EPB41L4A: variants seen among roughly 807,000 people sequenced by gnomAD.
The protein encoded by EPB41L4A is erythrocyte membrane protein band 4.1 like 4A.
In EPB41L4A, 100 loss-of-function variants were observed where a neutral mutation model predicts 108.6. That is an observed-to-expected ratio of 0.92 (90% CI 0.78 to 1.09). EPB41L4A has a LOEUF of 1.09. Ranked by LOEUF, EPB41L4A falls within the 50% of genes least tolerant of loss-of-function variation. EPB41L4A has a pLI of 0.00. For synonymous variants in EPB41L4A, 319 were observed against 289.0 expected (o/e 1.10, Z -1.05); for missense variants, 1,030 against 842.7 (o/e 1.22, Z -2.75).
At chr5:112,354,788 C>A (rs916368801) in intron 1 of EPB41L4A, among the ~76,000 whole-genome samples, 1 of 152,142 alleles carries the variant, frequency 6.6e-6, no homozygotes, top group African/African-American at 2.4e-5. Context: ...CTAGTTCAAA[C>A]CTGGCTTAAT....
intron 12 of EPB41L4A, among the ~76,000 whole-genome samples, chr5:112,211,539 G>C (rs1762742502): frequency 6.6e-6 from 1 of 150,416 alleles, no homozygotes; most frequent in Admixed American, 6.6e-5. Context: ...AGTGAGCTGA[G>C]ATTGCGCCAC....
intron 1 of EPB41L4A, among the ~76,000 whole-genome samples, chr5:112,319,618 C>G (rs1036419098): frequency 6.6e-6 from 1 of 152,188 alleles, no homozygotes; most frequent in Non-Finnish European, 1.5e-5. Context: ...AAGCATCAGA[C>G]AAGCCGAAAT....
At chr5:112,197,786 C>G (rs1049462124) in intron 15 of EPB41L4A, among the ~76,000 whole-genome samples, 1 of 152,160 alleles carries the variant, frequency 6.6e-6, no homozygotes, top group Admixed American at 6.5e-5. Flanking sequence ...TATGATGGAC[C>G]CTACATCTCC....
In EPB41L4A at chr5:112,169,096, A is replaced by C. The variant is rs763428611; in HGVS notation, c.1749T>G (p.Gly583=). 2 of 1,613,450 alleles carry C rather than the reference A, an allele frequency of 1.2e-6. No individual in the cohort carries two copies. The highest frequency in any genetic ancestry group is 1.7e-6 in the Non-Finnish European group (2 of 1,179,368). The change falls in exon 21 of 23, where the codon GGT becomes GGG. Residue 583 remains glycine (G), a synonymous_variant. Transcript: ENST00000261486. Reference sequence around the variant, plus strand: ...GAGAATGCCTGATGCGGATTGGGTCACCTTGTGTCCTGAACAAGCAACCAA... The same window carrying C: ...GAGAATGCCTGATGCGGATTGGGTCCCCTTGTGTCCTGAACAAGCAACCAA... The part of the protein sequence containing the change: ...EIPYTKIETQ[G]DPIRIRHSHS...
chr5:112,228,678 G>A lies in EPB41L4A; in HGVS notation c.1087+5956C>T, dbSNP rs899201131. The A allele has an allele frequency of 8.1e-6, 8 of 983,662 alleles. No homozygotes were observed. The African/African-American group carries it at 1.4e-4, about 17-fold the overall frequency. The allele number at this position is 983,662 out of a possible 1,614,324, so 60.9% of individuals were successfully genotyped here. A position where few individuals can be genotyped will look rare whatever the true frequency, so the allele number is the denominator to read the frequency against. ...GTCTTCATTGCCTACTTACAGCAGAGACGATCTCCTTTGACAGGAATCCAA... is the reference window on the plus strand; with the variant it reads ...GTCTTCATTGCCTACTTACAGCAGAAACGATCTCCTTTGACAGGAATCCAA... On this transcript the variant is annotated intron_variant, in intron 12 of 22. Coordinates refer to ENST00000261486, the MANE Select transcript of EPB41L4A (RefSeq NM_022140.5).
chr5:112,203,319 A>G (rs11740779), intron 15 of EPB41L4A, among the ~76,000 whole-genome samples: 64,454 of 151,934 alleles, frequency 0.42, 14,446 homozygotes, highest in East Asian at 0.68. Context: ...TCATGCCACT[A>G]CACTCCAGCC....
At chr5:112,348,561 A>T (rs1396621952) in intron 1 of EPB41L4A, among the ~76,000 whole-genome samples, 2 of 152,168 alleles carry the variant, frequency 1.3e-5, no homozygotes, top group Non-Finnish European at 2.9e-5. Flanking sequence ...GGGGAAGGGG[A>T]AACTCACATA....
chr5:112,400,421 C>G (rs1278397257), intron 1 of EPB41L4A, among the ~76,000 whole-genome samples: 1 of 152,052 alleles, frequency 6.6e-6, no homozygotes, highest in East Asian at 1.9e-4. Flanking sequence ...GCTTACAGTT[C>G]TACAGGCAGT....
At chr5:112,195,264 A>G (rs1437549042) in intron 16 of EPB41L4A, among the ~76,000 whole-genome samples, 1 of 152,072 alleles carries the variant, frequency 6.6e-6, no homozygotes, top group Non-Finnish European at 1.5e-5. Flanking sequence ...TGCCAACACG[A>G]AAGAGAAAGG....
chr5:112,398,750 T>C (rs1761544635), intron 1 of EPB41L4A, among the ~76,000 whole-genome samples: 1 of 152,010 alleles, frequency 6.6e-6, no homozygotes, highest in Admixed American at 6.6e-5. Context: ...TGCTATAGAC[T>C]CAGGTATCAG....
chr5:112,202,605 T>C (rs1438921363), intron 15 of EPB41L4A, among the ~76,000 whole-genome samples: 1 of 152,166 alleles, frequency 6.6e-6, no homozygotes, highest in African/African-American at 2.4e-5. Flanking sequence ...ACCCTATTAT[T>C]CTGTCTAATC....
chr5:112,314,534 A>AAAG (rs1755290974), intron 1 of EPB41L4A, among the ~76,000 whole-genome samples: 1 of 133,910 alleles, frequency 7.5e-6, no homozygotes, highest in African/African-American at 3.2e-5. Flanking sequence ...AAAAAAAAAA[A>AAAG]AAAAGAAAAG....
chr5:112,390,342 C>A (rs1336705560), intron 1 of EPB41L4A, among the ~76,000 whole-genome samples: 1 of 152,140 alleles, frequency 6.6e-6, no homozygotes, highest in African/African-American at 2.4e-5. Flanking sequence ...CACTGCCACC[C>A]AAATACTGTG....
intron 17 of EPB41L4A, among the ~76,000 whole-genome samples, chr5:112,190,160 T>G (rs1331553733): frequency 1.3e-5 from 2 of 152,242 alleles, no homozygotes; most frequent in East Asian, 3.8e-4. Context: ...TAGAATCAAC[T>G]GTTTCACAAA....
At chr5:112,344,746 C>T (rs906971644) in intron 1 of EPB41L4A, among the ~76,000 whole-genome samples, 1 of 152,124 alleles carries the variant, frequency 6.6e-6, no homozygotes, top group Non-Finnish European at 1.5e-5. Context: ...GAGGTGCTGC[C>T]CTATGGAAGT....
Position 112,419,110 on chromosome 5 carries a change from G to T in EPB41L4A, c.-71C>A. 8.8e-7 allele frequency: 1 copy of T among 1,141,810 alleles called. No individual in the cohort carries two copies. Among genetic ancestry groups the T allele is most frequent in the South Asian group, 1.3e-5 (1 of 79,892 alleles). 70.7% of individuals were successfully genotyped at this position (1,141,810 alleles called of 1,614,324 possible). A position where few individuals can be genotyped will look rare whatever the true frequency, so the allele number is the denominator to read the frequency against. ...GCGCCCAGCCGCCCCCTCCACTCAA[G>T]CGCGATGCATTAATTTATTGTCCGC... On this transcript the variant is annotated 5_prime_UTR_variant, in exon 1 of 23. Transcript: ENST00000261486.
chr5:112,333,779 T>C (rs1373154327), intron 1 of EPB41L4A, among the ~76,000 whole-genome samples: 1 of 152,252 alleles, frequency 6.6e-6, no homozygotes, highest in African/African-American at 2.4e-5. Context: ...CCAGGGCCTC[T>C]GATTAGCCAG....
At chr5:112,232,344 T>G (rs1017058252) in intron 12 of EPB41L4A, among the ~76,000 whole-genome samples, 2 of 152,240 alleles carry the variant, frequency 1.3e-5, no homozygotes, top group Non-Finnish European at 2.9e-5. Flanking sequence ...CAATGCCCAG[T>G]AAACCTACTC....
intron 1 of EPB41L4A, among the ~76,000 whole-genome samples, chr5:112,334,044 G>A (rs1161966389): frequency 6.6e-6 from 1 of 152,166 alleles, no homozygotes; most frequent in Admixed American, 6.5e-5. Context: ...GGGTTGCGGG[G>A]TGAGGGCAGT....
Sources: allele counts gnomAD v4.1 joint callset (sites outside exome capture counted in the v4.1 genomes callset), GRCh38; gene constraint gnomAD v4.1.1; transcripts MANE v1.5; gene names NCBI Gene and HGNC (gene_info 2026-07-23, HGNC 2026-07-21).